Variants in FBXL17 observed in about 807,000 individuals in gnomAD.
FBXL17 encodes the protein F-box/LRR-repeat protein 17.
Under a neutral mutation model 66.2 loss-of-function variants are expected in FBXL17, and 22 were observed. The observed-to-expected ratio is 0.33, with a 90% confidence interval of 0.24 to 0.47. FBXL17 has a LOEUF of 0.47. Among genes scored for constraint, FBXL17 ranks in the 20% least tolerant of loss-of-function variants. The pLI is 1.00. For missense variants in FBXL17, 878 were observed against 948.2 expected (o/e 0.93, Z 0.97); for synonymous variants, 474 against 400.5 (o/e 1.18, Z -2.19).
intron 4 of FBXL17, among the ~76,000 whole-genome samples, chr5:108,233,641 T>C (rs1328184384): frequency 6.6e-6 from 1 of 152,184 alleles, no homozygotes; most frequent in African/African-American, 2.4e-5. Context: ...TCTCCTTAAG[T>C]TGGCATTCTC....
chr5:108,018,549 A>G (rs1003660199), intron 7 of FBXL17, among the ~76,000 whole-genome samples: 5 of 152,122 alleles, frequency 3.3e-5, no homozygotes, highest in Admixed American at 1.3e-4. Context: ...CTCATAACCT[A>G]TCAACATTTC....
chr5:107,906,447 C>T (rs1200504528), intron 7 of FBXL17, among the ~76,000 whole-genome samples: 1 of 152,158 alleles, frequency 6.6e-6, no homozygotes, highest in Non-Finnish European at 1.5e-5. Flanking sequence ...GTGGTAACAT[C>T]ATGCTAAGTG....
At chr5:107,963,760 G>A (rs981563576) in intron 7 of FBXL17, among the ~76,000 whole-genome samples, 4 of 152,012 alleles carry the variant, frequency 2.6e-5, no homozygotes, top group Non-Finnish European at 4.4e-5. Flanking sequence ...TTAGCTCTGG[G>A]AGCATGGAAA....
intron 5 of FBXL17, among the ~76,000 whole-genome samples, chr5:108,209,951 T>C (rs1454842802): frequency 6.6e-6 from 1 of 152,180 alleles, no homozygotes; most frequent in Non-Finnish European, 1.5e-5. Context: ...AGACTTTTTT[T>C]TGGTTGGCAG....
chr5:108,135,079 G>A (rs1024417701), intron 6 of FBXL17, among the ~76,000 whole-genome samples: 26 of 152,114 alleles, frequency 1.7e-4, no homozygotes, highest in South Asian at 4.1e-4. Flanking sequence ...TAGTGGTAGC[G>A]TCAGAATTTC....
chr5:108,205,744 T>C (rs1754089316), intron 5 of FBXL17, among the ~76,000 whole-genome samples: 1 of 152,100 alleles, frequency 6.6e-6, no homozygotes, highest in Non-Finnish European at 1.5e-5. Flanking sequence ...TTTTGTTTTT[T>C]AGACAGAGTC....
chr5:107,980,046 T>C (rs1462436909), intron 7 of FBXL17, among the ~76,000 whole-genome samples: 1 of 152,182 alleles, frequency 6.6e-6, no homozygotes. Context: ...GACCAAGAAG[T>C]GTCACTTGAC....
chr5:108,346,209 TAA>T (rs1473093511), intron 4 of FBXL17, among the ~76,000 whole-genome samples: 1 of 152,092 alleles, frequency 6.6e-6, no homozygotes, highest in Non-Finnish European at 1.5e-5. Context: ...AATTATCCAA[TAA>T]AGAGTTCAAA....
intron 7 of FBXL17, among the ~76,000 whole-genome samples, 177 bp from the exon 8 acceptor site, chr5:107,881,356 C>T (rs1240906820): frequency 6.6e-6 from 1 of 152,182 alleles, no homozygotes; most frequent in African/African-American, 2.4e-5. Context: ...CTATGACAAA[C>T]CCATTTGCAA....
chr5:108,090,948 A>G (rs1224129012), intron 6 of FBXL17, among the ~76,000 whole-genome samples: 1 of 152,194 alleles, frequency 6.6e-6, no homozygotes, highest in Non-Finnish European at 1.5e-5. Flanking sequence ...CTTTTTGTAT[A>G]CTAAAATAAC....
chr5:108,167,194 T>C (rs1334228598), intron 6 of FBXL17, among the ~76,000 whole-genome samples: 1 of 152,176 alleles, frequency 6.6e-6, no homozygotes, highest in Non-Finnish European at 1.5e-5. Flanking sequence ...AGTGCTACCA[T>C]ACCATAAGCA....
chr5:108,226,166 A>G (rs1313868453), intron 4 of FBXL17, among the ~76,000 whole-genome samples: 1 of 152,028 alleles, frequency 6.6e-6, no homozygotes, highest in Admixed American at 6.6e-5. Flanking sequence ...TCCCCTCTCA[A>G]AATAACTCTT....
In FBXL17 at chr5:108,380,893, A is replaced by T. The variant is rs1580937973; in HGVS notation, c.799T>A (p.Ser267Thr). 1 of 1,235,308 alleles carries T rather than the reference A, an allele frequency of 8.1e-7. No individual in the cohort carries two copies. Among genetic ancestry groups the T allele is most frequent in the Non-Finnish European group, 1.0e-6 (1 of 985,032 alleles). 76.5% of individuals were successfully genotyped at this position (1,235,308 alleles called of 1,614,324 possible). A position where few individuals can be genotyped will look rare whatever the true frequency, so the allele number is the denominator to read the frequency against. Residue 267 changes from serine to threonine, a missense_variant, in exon 1 of 9, where the codon TCC becomes ACC. Around this residue, in one of 4 missense-constraint regions of FBXL17, gnomAD observed 605 missense variants for 509.5 expected, o/e 1.19. Coordinates refer to ENST00000542267, the MANE Select transcript of FBXL17 (RefSeq NM_001163315.3). ...PLCPPPSSPT[S>T]EGAPTEAGGD... ...CCAGCTTCGGTGGGGGCACCTTCGG[A>T]GGTGGGAGAAGAGGGCGGAGGGCAG...
chr5:108,299,455 T>C (rs1758490295), intron 4 of FBXL17: 7 of 940,648 alleles, frequency 7.4e-6, no homozygotes, highest in South Asian at 9.8e-5. Flanking sequence ...TTTATAGATA[T>C]AGAAAAGTAC....
At chr5:107,973,708 T>C (rs1752470498) in intron 7 of FBXL17, among the ~76,000 whole-genome samples, 2 of 152,204 alleles carry the variant, frequency 1.3e-5, no homozygotes, top group East Asian at 1.9e-4. Context: ...ACTTAATCAG[T>C]ATGCCTTTAA....
At chr5:108,146,769 CA>C (rs1252223963) in intron 6 of FBXL17, among the ~76,000 whole-genome samples, 2 of 152,116 alleles carry the variant, frequency 1.3e-5, no homozygotes, top group African/African-American at 4.8e-5. Flanking sequence ...TGGGGACACT[CA>C]AATCACAGGC....
At chr5:108,295,151 A>G (rs1210447249) in intron 4 of FBXL17, among the ~76,000 whole-genome samples, 1 of 151,932 alleles carries the variant, frequency 6.6e-6, no homozygotes, top group Non-Finnish European at 1.5e-5. Context: ...ACTTTACACA[A>G]TTCGATTCCT....
chr5:107,983,977 A>G (rs1212390183), intron 7 of FBXL17, among the ~76,000 whole-genome samples: 1 of 152,172 alleles, frequency 6.6e-6, no homozygotes, highest in Non-Finnish European at 1.5e-5. Context: ...ACAAAAGAAA[A>G]AAAAAGAAAA....
chr5:108,124,080 A>G (rs771269078), intron 6 of FBXL17, among the ~76,000 whole-genome samples: 64 of 152,116 alleles, frequency 4.2e-4, no homozygotes, highest in Non-Finnish European at 4.6e-4. Context: ...TCTTAACAAA[A>G]TAAGAGAAGC....
Sources: allele counts gnomAD v4.1 joint callset (sites outside exome capture counted in the v4.1 genomes callset), GRCh38; gene constraint gnomAD v4.1.1; regional missense constraint gnomAD v4.1.1; transcripts MANE v1.5; gene names NCBI Gene and HGNC (gene_info 2026-07-23, HGNC 2026-07-21).